SNTG1: variants seen among roughly 807,000 people sequenced by gnomAD.
SNTG1 encodes the protein syntrophin gamma 1, also known as gamma-1-syntrophin.
SNTG1 carries 39 observed loss-of-function variants against 74.7 expected under a neutral mutation model. The ratio of observed to expected loss-of-function variants is 0.52; its 90% CI spans 0.40 to 0.68. SNTG1 has a LOEUF of 0.68. SNTG1 is among the 30% of genes least tolerant of loss of function. The pLI is 0.00. For missense variants in SNTG1, 685 were observed against 609.5 expected (o/e 1.12, Z -1.30); for synonymous variants, 254 against 217.1 (o/e 1.17, Z -1.49).
At chr8:50,593,330 G>C (rs895256026) in intron 13 of SNTG1, among the ~76,000 whole-genome samples, 1 of 152,122 alleles carries the variant, frequency 6.6e-6, no homozygotes, top group Non-Finnish European at 1.5e-5. Context: ...CAGACACTGT[G>C]TCTGAAGAAG....
intron 13 of SNTG1, among the ~76,000 whole-genome samples, chr8:50,655,807 T>TA (rs1157184619): frequency 6.6e-6 from 1 of 152,164 alleles, no homozygotes; most frequent in Non-Finnish European, 1.5e-5. Context: ...ACCATCCCCT[T>TA]ACTAGCTGGA....
At chr8:50,678,263 C>A (rs1443889079) in intron 15 of SNTG1, among the ~76,000 whole-genome samples, 2 of 151,844 alleles carry the variant, frequency 1.3e-5, no homozygotes, top group African/African-American at 2.4e-5. Flanking sequence ...TGTTACTTAA[C>A]CTTTGCATAT....
intron 4 of SNTG1, among the ~76,000 whole-genome samples, chr8:50,417,207 A>C (rs1395196012): frequency 6.6e-6 from 1 of 152,114 alleles, no homozygotes; most frequent in Non-Finnish European, 1.5e-5. Flanking sequence ...GCTTATATAC[A>C]CAAGTTGGAA....
At chr8:50,004,696 C>A (rs150096898) in intron 1 of SNTG1, among the ~76,000 whole-genome samples, 1 of 152,160 alleles carries the variant, frequency 6.6e-6, no homozygotes, top group African/African-American at 2.4e-5. Flanking sequence ...AATTTCTATG[C>A]GGAGATTTCT....
At chr8:50,005,699 T>C (rs1473432874) in intron 1 of SNTG1, among the ~76,000 whole-genome samples, 1 of 152,122 alleles carries the variant, frequency 6.6e-6, no homozygotes. Context: ...GGATGAATAG[T>C]TGAAATTCAG....
intron 15 of SNTG1, among the ~76,000 whole-genome samples, chr8:50,677,129 T>A (rs986795639): frequency 3.3e-5 from 5 of 151,938 alleles, no homozygotes; most frequent in African/African-American, 7.2e-5. Context: ...GTTGCAGAAA[T>A]TTGTTCCCCT....
At position 50,450,563 on chromosome 8, in the gene SNTG1, T is replaced by A; in HGVS notation, c.285T>A (p.Leu95=). ...GTGCTTTTTCATTCACAGCGGAACT[T>A]TCAGGACTACTTTTTATTGGAGATG... ...SKISKEQRAE[L]SGLLFIGDAI... Residue 95 remains leucine (L), a synonymous_variant, in exon 7 of 19, where the codon CTT becomes CTA. Coordinates refer to ENST00000642720, the MANE Select transcript of SNTG1 (RefSeq NM_018967.5). 6.2e-7 allele frequency: 1 copy of A among 1,613,410 alleles called. No individual in the cohort carries two copies. Among genetic ancestry groups the A allele is most frequent in the Non-Finnish European group, 8.5e-7 (1 of 1,179,722 alleles).
In SNTG1 at chr8:50,554,566, G is replaced by A. The variant is rs539111195; in HGVS notation, c.810+1387G>A. On this transcript the variant is annotated intron_variant, in intron 12 of 18. Transcript: ENST00000642720. Reference sequence around the variant, plus strand: ...TCCCTCAACAAGGAGGCTAAACATGGGTATGTCTAGTTTGGGCAAGAGTGA... The same window carrying A: ...TCCCTCAACAAGGAGGCTAAACATGAGTATGTCTAGTTTGGGCAAGAGTGA... Among the ~76,000 whole-genome samples the A allele has an allele frequency of 9.2e-5, 14 of 151,374 alleles. No homozygotes were observed. The South Asian group carries it at 3.0e-3, about 32-fold the overall frequency.
intron 2 of SNTG1, among the ~76,000 whole-genome samples, chr8:50,284,919 T>C (rs2088678272): frequency 6.6e-6 from 1 of 151,940 alleles, no homozygotes; most frequent in Admixed American, 6.6e-5. Flanking sequence ...TCAATGTTTA[T>C]TTTTTTTACT....
chr8:50,272,682 A>C (rs1047806198), intron 2 of SNTG1, among the ~76,000 whole-genome samples: 7 of 152,194 alleles, frequency 4.6e-5, no homozygotes, highest in Non-Finnish European at 1.0e-4. Flanking sequence ...ATGAACCTTG[A>C]TTTGTATCAT....
chr8:50,089,479 A>T (rs1293680193), intron 1 of SNTG1, among the ~76,000 whole-genome samples: 1 of 151,750 alleles, frequency 6.6e-6, no homozygotes, highest in Non-Finnish European at 1.5e-5. Flanking sequence ...AACCTACAAA[A>T]TGGGAGAAAA....
intron 15 of SNTG1, among the ~76,000 whole-genome samples, chr8:50,667,828 A>AT (rs112137510): frequency 0.027 from 4,173 of 152,028 alleles, 168 homozygotes; most frequent in African/African-American, 0.092. Context: ...TAATATGGTT[A>AT]TTTTTTTACT....
At chr8:50,782,292 C>T (rs551385752) in intron 18 of SNTG1, among the ~76,000 whole-genome samples, 1 of 152,322 alleles carries the variant, frequency 6.6e-6, no homozygotes, top group Non-Finnish European at 1.5e-5. Flanking sequence ...TAATATCCTG[C>T]AGAGTGTTTT....
chr8:49,971,082 A>G (rs1811623894), intron 1 of SNTG1, among the ~76,000 whole-genome samples: 1 of 152,160 alleles, frequency 6.6e-6, no homozygotes, highest in African/African-American at 2.4e-5. Context: ...AGAATTTTAG[A>G]CCAATATCCC....
chr8:50,649,290 G>A (rs1221286719), intron 13 of SNTG1, among the ~76,000 whole-genome samples: 3 of 152,040 alleles, frequency 2.0e-5, no homozygotes, highest in African/African-American at 7.2e-5. Context: ...TTGAGGTCAG[G>A]AGTGCAAGAC....
chr8:50,670,892 A>G (rs1289817507), intron 15 of SNTG1, among the ~76,000 whole-genome samples: 3 of 151,752 alleles, frequency 2.0e-5, no homozygotes, highest in African/African-American at 7.3e-5. Flanking sequence ...GACGCCACAT[A>G]TCTAGAACTA....
intron 15 of SNTG1, among the ~76,000 whole-genome samples, chr8:50,688,336 C>T (rs2095362058): frequency 6.6e-6 from 1 of 152,256 alleles, no homozygotes; most frequent in Non-Finnish European, 1.5e-5. Flanking sequence ...TCGCCCATGC[C>T]TATGTCCTGA....
At chr8:50,298,129 G>A (rs913447156) in intron 2 of SNTG1, among the ~76,000 whole-genome samples, 4 of 151,902 alleles carry the variant, frequency 2.6e-5, no homozygotes, top group African/African-American at 7.3e-5. Context: ...CTGATCCAAC[G>A]GCAATGAAAC....
At chr8:50,374,080 A>C (rs2092326131) in intron 2 of SNTG1, among the ~76,000 whole-genome samples, 1 of 152,224 alleles carries the variant, frequency 6.6e-6, no homozygotes, top group African/African-American at 2.4e-5. Flanking sequence ...GCTTGTTAGA[A>C]GACCTATTTT....
Sources: gnomAD v4.1 joint callset for allele counts (sites outside exome capture counted in the v4.1 genomes callset) on GRCh38, gnomAD v4.1.1 for gene constraint, MANE v1.5 for transcripts, NCBI Gene and HGNC (gene_info 2026-07-23, HGNC 2026-07-21) for gene names.